Variants in SACS observed in about 807,000 individuals in gnomAD.
The protein encoded by SACS is sacsin.
SACS carries 197 observed loss-of-function variants against 348.0 expected under a neutral mutation model. That is an observed-to-expected ratio of 0.57 (90% CI 0.50 to 0.64). The LOEUF is 0.64. Ranked by LOEUF, SACS falls within the 30% of genes least tolerant of loss-of-function variation. SACS has a pLI of 0.00. For missense variants in SACS, 4,999 were observed against 5,360.8 expected (o/e 0.93, Z 2.11); for synonymous variants, 1,985 against 1,910.6 (o/e 1.04, Z -1.02).
At chr13:23,345,201 A>G (rs1869519481) in intron 9 of SACS, among the ~76,000 whole-genome samples, 1 of 152,264 alleles carries the variant, frequency 6.6e-6, no homozygotes, top group Non-Finnish European at 1.5e-5. Context: ...CCTACTGAGC[A>G]CAGAGATGCA....
chr13:23,422,342 G>C (rs1873986776), intron 1 of SACS, among the ~76,000 whole-genome samples: 5 of 152,088 alleles, frequency 3.3e-5, no homozygotes, highest in African/African-American at 1.2e-4. Flanking sequence ...TTTTATTAAA[G>C]AAGTTCCAAA....
At position 23,431,856 on chromosome 13, in the gene SACS, T is replaced by G. The variant is rs534796989; in HGVS notation, c.-502+1759A>C. Among the ~76,000 whole-genome samples, 4 of 152,358 alleles carry G rather than the reference T, an allele frequency of 2.6e-5. No individual in the cohort carries two copies. In the South Asian group the frequency reaches 6.2e-4, roughly 24 times the overall value. On this transcript the variant is annotated intron_variant, in intron 1 of 9. Transcript: ENST00000382292. ...ACTCAGCCAAAAGTTCATTTCAAAA[T>G]TTATTCCTTTTGGGAAATGGTGCAT... is the stretch of plus-strand genomic sequence containing the variant.
rs531014434 is a variant in SACS, at chr13:23,427,034, G to C, written c.-502+6581C>G. The C allele has an allele frequency of 2.0e-5, 3 of 152,090 alleles. No individual in the cohort carries two copies. In the South Asian group the frequency reaches 6.2e-4, roughly 32 times the overall value. The allele number at this position is 152,090 out of a possible 1,614,324, so 9.4% of individuals were successfully genotyped here. On this transcript the variant is annotated intron_variant, in intron 1 of 9. Coordinates refer to ENST00000382292, the MANE Select transcript of SACS (RefSeq NM_014363.6). The stretch of plus-strand genomic sequence containing the variant: ...CACCTGATGGAAGAGAACATTCTTC[G>C]GTCTTCTCCTCACCATGGCTTGAGA...
intron 2 of SACS, among the ~76,000 whole-genome samples, chr13:23,380,122 C>CGTGTGTGTGTGTGTGTGTGT (rs34243922): frequency 5.2e-4 from 60 of 116,486 alleles, no homozygotes; most frequent in African/African-American, 7.0e-4. Context: ...GGGATTCCCT[C>CGTGTGTGTGTGTGTGTGTGT]GTGTGTGTGT....
At chr13:23,346,368 A>T (rs1414339569) in intron 9 of SACS, among the ~76,000 whole-genome samples, 1 of 151,054 alleles carries the variant, frequency 6.6e-6, no homozygotes, top group Non-Finnish European at 1.5e-5. Flanking sequence ...CTGGTCTTGA[A>T]CTCCTGACCT....
rs201510061 is a variant in SACS at position 23,371,050 on chromosome 13, T to C, written c.259+28A>G. The C allele has an allele frequency of 3.7e-3, 5,217 of 1,412,204 alleles. 15 individuals are homozygous for C. The highest frequency in any genetic ancestry group is 4.4e-3 in the Non-Finnish European group (4,415 of 1,007,104). 87.5% of individuals were successfully genotyped at this position (1,412,204 alleles called of 1,614,324 possible). ...AATCTTTGTGCAACCCAACATGGTA[T>C]ATACTTCTGGTAAAGTCAATATTAT... On this transcript the variant is annotated intron_variant, in intron 4 of 9. Transcript: ENST00000382292.
At chr13:23,395,098 G>A (rs542760837) in intron 2 of SACS, among the ~76,000 whole-genome samples, 8 of 152,142 alleles carry the variant, frequency 5.3e-5, no homozygotes, top group South Asian at 2.1e-4. Context: ...CTGTTCATTC[G>A]ACAGGGAGGC....
At chr13:23,403,757 T>C (rs1873083553) in intron 2 of SACS, among the ~76,000 whole-genome samples, 1 of 152,220 alleles carries the variant, frequency 6.6e-6, no homozygotes, top group African/African-American at 2.4e-5. Flanking sequence ...AGTTCTGCTC[T>C]GATCTTAGTT....
Position 23,411,025 on chromosome 13 carries a change from C to A in SACS, c.20+195G>T, listed in dbSNP as rs922167906. Among the ~76,000 whole-genome samples the A allele has an allele frequency of 2.6e-5, 4 of 152,130 alleles. No individual in the cohort carries two copies. The South Asian group carries it at 8.3e-4, about 32-fold the overall frequency. ...AAATGCAAAACTATCTGGGCAAAGT[C>A]AAAGAAATTATTTTTAACCCTTGGC... On this transcript the variant is annotated intron_variant, in intron 2 of 9. Coordinates refer to ENST00000382292, the MANE Select transcript of SACS (RefSeq NM_014363.6).
chr13:23,426,378 C>A (rs537174612), intron 1 of SACS, among the ~76,000 whole-genome samples: 2 of 152,132 alleles, frequency 1.3e-5, no homozygotes, highest in African/African-American at 4.8e-5. Context: ...CAGTGGCCCA[C>A]GCCTGTAATC....
chr13:23,422,015 G>A (rs1029980061), intron 1 of SACS, among the ~76,000 whole-genome samples: 3 of 151,944 alleles, frequency 2.0e-5, no homozygotes, highest in Non-Finnish European at 4.4e-5. Context: ...ATTTACCTAC[G>A]GCCTGGGCGT....
intron 9 of SACS, among the ~76,000 whole-genome samples, chr13:23,349,336 T>C (rs1319377311): frequency 6.6e-6 from 1 of 152,224 alleles, no homozygotes; most frequent in Non-Finnish European, 1.5e-5. Flanking sequence ...TGGACAGTAG[T>C]GTTATTTTCA....
intron 2 of SACS, among the ~76,000 whole-genome samples, chr13:23,396,279 G>A (rs981346868): frequency 1.1e-4 from 17 of 149,880 alleles, no homozygotes; most frequent in Middle Eastern, 6.8e-3. Context: ...AGCCAAGAGT[G>A]TGCCACTGCA....
chr13:23,409,083 T>C (rs1439989647), intron 2 of SACS, among the ~76,000 whole-genome samples: 1 of 107,620 alleles, frequency 9.3e-6, no homozygotes, highest in Non-Finnish European at 1.9e-5. Flanking sequence ...GACGGAGTCT[T>C]CCTGTGTGGC....
chr13:23,345,231 A>T (rs1322993085), intron 9 of SACS, among the ~76,000 whole-genome samples: 1 of 152,252 alleles, frequency 6.6e-6, no homozygotes, highest in Non-Finnish European at 1.5e-5. Flanking sequence ...GTAAATGTAC[A>T]GTCAAGGTTC....
At chr13:23,375,324 G>C (rs896750543) in intron 2 of SACS, 55 bp from the exon 3 acceptor site, 5 of 1,355,750 alleles carry the variant, frequency 3.7e-6, no homozygotes, top group African/African-American at 1.5e-5. Flanking sequence ...CGCCCGCCCA[G>C]CGCCCGCGCG....
At position 23,329,292 on chromosome 13, in the gene SACS, T is replaced by C. The variant is rs1883320242; in HGVS notation, c.*844A>G. 5 of 594,176 alleles carry C rather than the reference T, an allele frequency of 8.4e-6. No individual in the cohort carries two copies. The South Asian group carries it at 1.1e-4, about 13-fold the overall frequency. 36.8% of individuals were successfully genotyped at this position (594,176 alleles called of 1,614,324 possible). A position where few individuals can be genotyped will look rare whatever the true frequency, so the allele number is the denominator to read the frequency against. On this transcript the variant is annotated 3_prime_UTR_variant, in exon 10 of 10. Transcript: ENST00000382292. ...TGCAGCACCTTTAGACAACAAAAGA[T>C]TGCATCCTGTTCAACCACACTATAT...
rs35865691 is a variant in SACS, at chr13:23,337,825, C to G, written c.6051G>C (p.Lys2017Asn). Residue 2017 changes from lysine (K) to asparagine (N), a missense_variant, in exon 10 of 10, where the codon AAG (lysine) becomes AAC (asparagine). This residue lies in a region of SACS where 3,156 missense variants were observed against 3,380.1 expected (regional missense o/e 0.93). Transcript: ENST00000382292. ...CACAAAGGTTTTTGGACCCAGTCTTCTTGAGGTATTTCAAAAATATCTTGA... is the reference window on the plus strand; with the variant it reads ...CACAAAGGTTTTTGGACCCAGTCTTGTTGAGGTATTTCAAAAATATCTTGA... Reference protein sequence around the residue: ...AAFKIFLKYLKKTGSKNLCAV... With the variant: ...AAFKIFLKYLNKTGSKNLCAV... 1,509 of 1,613,870 alleles carry G rather than the reference C, an allele frequency of 9.4e-4. 14 individuals are homozygous for G. In the African/African-American group the frequency reaches 0.018, roughly 20 times the overall value.
At chr13:23,419,847 G>A (rs1403524154) in intron 1 of SACS, among the ~76,000 whole-genome samples, 1 of 152,120 alleles carries the variant, frequency 6.6e-6, no homozygotes, top group East Asian at 1.9e-4. Flanking sequence ...ATTGCATTTG[G>A]CCAGAGAATA....
Sources: gnomAD v4.1 joint callset for allele counts (sites outside exome capture counted in the v4.1 genomes callset) on GRCh38, gnomAD v4.1.1 for gene constraint, gnomAD v4.1.1 regional missense constraint, MANE v1.5 for transcripts, NCBI Gene and HGNC (gene_info 2026-07-23, HGNC 2026-07-21) for gene names.